The following LAMA2 variants were observed in gnomAD, a reference collection of about 807,000 sequenced individuals.
The protein encoded by LAMA2 is laminin subunit alpha-2.
In LAMA2, 269 loss-of-function variants were observed where a neutral mutation model predicts 364.8. The ratio of observed to expected loss-of-function variants is 0.74; its 90% confidence interval spans 0.67 to 0.82. The LOEUF (loss-of-function observed/expected upper bound fraction) is 0.82, where lower values mean the gene tolerates loss of function less well. LAMA2 is among the 40% of genes least tolerant of loss of function. The probability of loss-of-function intolerance (pLI) is 0.00; values close to 1 mark genes in which losing one functional copy is unlikely to be tolerated. For synonymous variants in LAMA2, 1,379 were observed against 1,370.6 expected (o/e 1.01, Z -0.14); for missense variants, 3,807 against 3,873.2 (o/e 0.98, Z 0.45).
chr6:128,898,357 T>A (rs1051864519), intron 1 of LAMA2, among the ~76,000 whole-genome samples: 2 of 152,224 alleles, frequency 1.3e-5, no homozygotes, highest in Admixed American at 1.3e-4. Context: ...ACATAGGTAC[T>A]CTGCATTTCC....
chr6:129,163,444 G>A (rs1779564537), intron 8 of LAMA2, among the ~76,000 whole-genome samples: 1 of 152,090 alleles, frequency 6.6e-6, no homozygotes, highest in Non-Finnish European at 1.5e-5. Flanking sequence ...GACCAACCTG[G>A]CCAACATGGT....
intron 1 of LAMA2, among the ~76,000 whole-genome samples, chr6:129,009,933 A>G (rs1784663416): frequency 1.3e-5 from 2 of 152,148 alleles, no homozygotes; most frequent in African/African-American, 4.8e-5. Context: ...GGTGAGATTA[A>G]AAATGCTCCA....
intron 4 of LAMA2, among the ~76,000 whole-genome samples, chr6:129,106,734 A>T (rs1775844530): frequency 6.6e-6 from 1 of 151,620 alleles, no homozygotes; most frequent in Admixed American, 6.6e-5. Flanking sequence ...TAAAATACAT[A>T]ATTTATTTAA....
intron 1 of LAMA2, among the ~76,000 whole-genome samples, chr6:129,046,494 G>A (rs1787510938): frequency 6.6e-6 from 1 of 152,062 alleles, no homozygotes; most frequent in African/African-American, 2.4e-5. Context: ...TTACTATCAC[G>A]AGAACAGCAT....
chr6:129,231,794 G>T (rs1784684519), intron 12 of LAMA2, among the ~76,000 whole-genome samples: 1 of 151,834 alleles, frequency 6.6e-6, no homozygotes, highest in Non-Finnish European at 1.5e-5. Flanking sequence ...TTATTTGGAG[G>T]AACATATGCC....
At chr6:129,299,260 G>C (rs898654998) in intron 21 of LAMA2, among the ~76,000 whole-genome samples, 1 of 151,956 alleles carries the variant, frequency 6.6e-6, no homozygotes, top group African/African-American at 2.4e-5. Context: ...GACCTTGACT[G>C]AGTAATTTTG....
chr6:129,412,457 C>T (rs907216891), intron 40 of LAMA2, among the ~76,000 whole-genome samples: 6 of 151,366 alleles, frequency 4.0e-5, no homozygotes, highest in East Asian at 1.9e-4. Flanking sequence ...TATAAATTAA[C>T]GATCACAAAC....
chr6:129,059,775 A>T lies in LAMA2; in HGVS notation c.284-9A>T. 1 of 1,511,416 alleles carries T rather than the reference A, an allele frequency of 6.6e-7. No homozygotes were observed. Among genetic ancestry groups the T allele is most frequent in the Non-Finnish European group, 9.2e-7 (1 of 1,086,522 alleles). The allele number at this position is 1,511,416 out of a possible 1,614,324, so 93.6% of individuals were successfully genotyped here. A position where few individuals can be genotyped will look rare whatever the true frequency, so the allele number is the denominator to read the frequency against. On this transcript the variant is annotated splice_polypyrimidine_tract_variant and intron_variant, in intron 2 of 64. Coordinates refer to ENST00000421865, the MANE Select transcript of LAMA2 (RefSeq NM_000426.4). ...TTCTTCCTTTCATATGATGCTGCTA[A>T]CTCAATAGAGAGACACCCGATTACA...
At chr6:129,193,013 T>TG (rs1216947831) in intron 12 of LAMA2, among the ~76,000 whole-genome samples, 160 bp downstream of exon 12, 1 of 152,236 alleles carries the variant, frequency 6.6e-6, no homozygotes, top group East Asian at 1.9e-4. Context: ...TCTTCCATGT[T>TG]GCACAAGACC....
chr6:129,418,919 G>T (rs1412813351), intron 40 of LAMA2, among the ~76,000 whole-genome samples: 1 of 152,082 alleles, frequency 6.6e-6, no homozygotes, highest in African/African-American at 2.4e-5. Flanking sequence ...ACAACATGAT[G>T]CTTTGAAATA....
intron 14 of LAMA2, among the ~76,000 whole-genome samples, chr6:129,252,740 C>A (rs552880472): frequency 1.3e-5 from 2 of 151,652 alleles, no homozygotes; most frequent in East Asian, 1.9e-4. Context: ...AAAAGTAAGT[C>A]TTTTCATTTA....
At chr6:129,161,233 T>A (rs1394819857) in intron 8 of LAMA2, among the ~76,000 whole-genome samples, 3 of 152,142 alleles carry the variant, frequency 2.0e-5, no homozygotes, top group Non-Finnish European at 4.4e-5. Context: ...TTACTCTGTA[T>A]GGTATGTTTT....
intron 2 of LAMA2, 128 bp downstream of exon 2, chr6:129,050,216 G>GGTAAAA: frequency 1.1e-6 from 1 of 925,690 alleles, no homozygotes; most frequent in Non-Finnish European, 1.7e-6. Flanking sequence ...TTACCATTAA[G>GGTAAAA]AGCTTCTTCC....
At position 129,503,676 on chromosome 6, in the gene LAMA2, G is replaced by A. The variant is rs59600811; in HGVS notation, c.8547+396G>A. Among the ~76,000 whole-genome samples, 77 of 152,246 alleles carry A rather than the reference G, an allele frequency of 5.1e-4. 1 individual carries two copies. The South Asian group carries it at 0.015, about 29-fold the overall frequency. ...TGAGATTATATTATAGCATTTTTAT[G>A]GTGGCTAAAAGGCCTTTCTATTATG... On this transcript the variant is annotated intron_variant, in intron 60 of 64. Coordinates refer to ENST00000421865, the MANE Select transcript of LAMA2 (RefSeq NM_000426.4).
intron 1 of LAMA2, among the ~76,000 whole-genome samples, chr6:128,915,273 T>C (rs1284190905): frequency 6.6e-6 from 1 of 152,230 alleles, no homozygotes; most frequent in African/African-American, 2.4e-5. Flanking sequence ...GGTTAATGGA[T>C]AAAAAATTCT....
At chr6:129,210,478 T>C (rs1783024689) in intron 12 of LAMA2, among the ~76,000 whole-genome samples, 1 of 152,132 alleles carries the variant, frequency 6.6e-6, no homozygotes, top group Non-Finnish European at 1.5e-5. Context: ...CAGCTATTTT[T>C]AAAGAAACAG....
At position 129,513,068 on chromosome 6, in the gene LAMA2, A is replaced by G. The variant is rs186049509; in HGVS notation, c.8988+575A>G. 1.9e-3 allele frequency among the ~76,000 whole-genome samples: 294 copies of G among 152,324 alleles called. 1 individual carries two copies. Among genetic ancestry groups the G allele is most frequent in the African/African-American group, 6.7e-3 (280 of 41,590 alleles). ...CCTCTTTCAGCCCTGCATTAAGACAACTTTGCACTATAGGCAGCAGGTAAA... is the reference window on the plus strand; with the variant it reads ...CCTCTTTCAGCCCTGCATTAAGACAGCTTTGCACTATAGGCAGCAGGTAAA... On this transcript the variant is annotated intron_variant, in intron 63 of 64. Coordinates refer to ENST00000421865, the MANE Select transcript of LAMA2 (RefSeq NM_000426.4).
At chr6:128,917,428 A>G (rs1778393086) in intron 1 of LAMA2, among the ~76,000 whole-genome samples, 1 of 152,020 alleles carries the variant, frequency 6.6e-6, no homozygotes, top group African/African-American at 2.4e-5. Flanking sequence ...TTAAGCAACA[A>G]ATGAATTAAA....
At chr6:129,116,785 G>T (rs1050400352) in intron 4 of LAMA2, among the ~76,000 whole-genome samples, 2 of 151,942 alleles carry the variant, frequency 1.3e-5, no homozygotes, top group Admixed American at 6.6e-5. Context: ...AGGTTGTCTG[G>T]TTTTTTACTA....
Sources: allele counts gnomAD v4.1 joint callset (sites outside exome capture counted in the v4.1 genomes callset), GRCh38; gene constraint gnomAD v4.1.1; transcripts MANE v1.5; gene names NCBI Gene and HGNC (gene_info 2026-07-23, HGNC 2026-07-21).